CCDC138: variants seen among roughly 807,000 people sequenced by gnomAD.
CCDC138 encodes coiled-coil domain-containing protein 138.
CCDC138 carries 66 observed loss-of-function variants against 82.3 expected under a neutral mutation model. That is an observed-to-expected ratio of 0.80 (90% CI 0.66 to 0.98). The LOEUF (loss-of-function observed/expected upper bound fraction) is 0.98. Among genes scored for constraint, CCDC138 ranks in the 50% least tolerant of loss-of-function variants. The pLI, the probability that CCDC138 is intolerant of heterozygous loss-of-function variation, is 0.00. For missense variants in CCDC138, 816 were observed against 758.9 expected, an observed-to-expected ratio of 1.08 and a Z score of -0.88; for synonymous variants, 297 against 265.4, an observed-to-expected ratio of 1.12 and a Z score of -1.16.
intron 11 of CCDC138, among the ~76,000 whole-genome samples, chr2:108,842,204 T>G (rs1175919504): frequency 2.0e-4 from 2 of 9,874 alleles, no homozygotes; most frequent in Admixed American, 2.3e-3. Context: ...ATTAAAAAGT[T>G]TTTTTTTTTT....
intron 12 of CCDC138, among the ~76,000 whole-genome samples, chr2:108,848,852 T>G (rs560318742): frequency 6.6e-6 from 1 of 152,322 alleles, no homozygotes; most frequent in South Asian, 2.1e-4. Flanking sequence ...TATTATGTAT[T>G]GAATTAATGA....
chr2:108,873,592 A>T lies in CCDC138; in HGVS notation c.1832+3A>T, dbSNP rs1290631294. ...TTACAGAAACTTTCCAAAATCAAGTAAGAATTTCTTATTTCTAACATTTTT... is the reference window on the plus strand; with the variant it reads ...TTACAGAAACTTTCCAAAATCAAGTTAGAATTTCTTATTTCTAACATTTTT... On this transcript the variant is annotated splice_donor_region_variant and intron_variant, in intron 14 of 14. Coordinates refer to ENST00000295124, the MANE Select transcript of CCDC138 (RefSeq NM_144978.3). 1 of 1,560,420 alleles carries T rather than the reference A, an allele frequency of 6.4e-7. No homozygotes were observed. The highest frequency in any genetic ancestry group is 1.4e-5 in the African/African-American group (1 of 73,030).
intron 10 of CCDC138, among the ~76,000 whole-genome samples, chr2:108,820,047 C>A (rs1201084257): frequency 6.6e-6 from 1 of 152,100 alleles, no homozygotes; most frequent in Non-Finnish European, 1.5e-5. Context: ...AATATCTGAA[C>A]TATAAAAGTC....
intron 10 of CCDC138, among the ~76,000 whole-genome samples, chr2:108,823,079 CT>C (rs1320398965): frequency 1.3e-5 from 2 of 152,130 alleles, no homozygotes; most frequent in Non-Finnish European, 2.9e-5. Flanking sequence ...AAAAACACAG[CT>C]TTCCAAGACT....
Position 108,866,840 on chromosome 2 carries a change from G to A in CCDC138, c.1694-6611G>A, listed in dbSNP as rs71421351. 9.7e-3 allele frequency among the ~76,000 whole-genome samples: 1,469 copies of A among 151,404 alleles called. 13 individuals are homozygous for A. Among genetic ancestry groups the A allele is most frequent in the Non-Finnish European group, 0.015 (1,011 of 67,874 alleles). On this transcript the variant is annotated intron_variant, in intron 13 of 14. Coordinates refer to ENST00000295124, the MANE Select transcript of CCDC138 (RefSeq NM_144978.3). ...GGAGTTTGCAGTGAGCCGAGATCAC[G>A]CCACGGCACTCCAGCCTGGGCGACA... is the stretch of plus-strand genomic sequence containing the variant.
intron 7 of CCDC138, among the ~76,000 whole-genome samples, chr2:108,806,575 C>A (rs1218635104): frequency 6.6e-6 from 1 of 152,110 alleles, no homozygotes; most frequent in Admixed American, 6.5e-5. Flanking sequence ...TGTGGTCTCT[C>A]TTTCAGTGAC....
At chr2:108,797,774 A>T (rs1405038013) in intron 5 of CCDC138, among the ~76,000 whole-genome samples, 1 of 152,186 alleles carries the variant, frequency 6.6e-6, no homozygotes, top group East Asian at 1.9e-4. Flanking sequence ...GGCTATTCAC[A>T]AAGAGTGGAA....
intron 10 of CCDC138, among the ~76,000 whole-genome samples, chr2:108,834,798 T>C (rs1292757255): frequency 6.6e-6 from 1 of 152,230 alleles, no homozygotes; most frequent in East Asian, 1.9e-4. Flanking sequence ...TCGTCTACTT[T>C]CTATCTCTAT....
In CCDC138 at chr2:108,791,663, A is replaced by AT. The variant is rs1174131314; in HGVS notation, c.267-5dup. 12 of 1,601,238 alleles carry AT rather than the reference A, an allele frequency of 7.5e-6. No individual in the cohort carries two copies. Among genetic ancestry groups the AT allele is most frequent in the Non-Finnish European group, 1.0e-5 (12 of 1,172,634 alleles). Reference sequence around the variant, plus strand: ...ACTTCTAGATTGCTGTGATACAATTATTTTTTTAAAGCCTAGATGATGAAC... The same window carrying AT: ...ACTTCTAGATTGCTGTGATACAATTATTTTTTTTAAAGCCTAGATGATGAAC... On this transcript the variant is annotated splice_polypyrimidine_tract_variant and intron_variant, in intron 3 of 14. Transcript: ENST00000295124.
At chr2:108,866,774 T>TC (rs112785058) in intron 13 of CCDC138, among the ~76,000 whole-genome samples, 3 of 151,712 alleles carry the variant, frequency 2.0e-5, no homozygotes, top group African/African-American at 7.3e-5. Flanking sequence ...TCCCAGTTAC[T>TC]CGGGAGACTG....
intron 4 of CCDC138, 134 bp downstream of exon 4, chr2:108,791,936 G>A (rs931685386): frequency 5.6e-6 from 5 of 896,510 alleles, no homozygotes; most frequent in Non-Finnish European, 7.9e-6. Context: ...TGTAAGCTAG[G>A]AGATAGTTAC....
chr2:108,848,977 T>A (rs111269162), intron 12 of CCDC138, among the ~76,000 whole-genome samples: 3 of 152,152 alleles, frequency 2.0e-5, no homozygotes, highest in African/African-American at 7.2e-5. Flanking sequence ...TATATCCCTG[T>A]GTTCAAGAAG....
At chr2:108,831,373 A>G (rs893419804) in intron 10 of CCDC138, among the ~76,000 whole-genome samples, 1 of 152,172 alleles carries the variant, frequency 6.6e-6, no homozygotes, top group African/African-American at 2.4e-5. Flanking sequence ...TTTTAGTAGG[A>G]CAAAATATGC....
chr2:108,853,807 C>G (rs550353918), intron 12 of CCDC138, among the ~76,000 whole-genome samples: 1 of 139,598 alleles, frequency 7.2e-6, no homozygotes, highest in South Asian at 2.2e-4. Context: ...GTTACAGGCA[C>G]CAGCCATCCC....
At chr2:108,788,447 G>A (rs531111177) in intron 2 of CCDC138, among the ~76,000 whole-genome samples, 1 of 151,436 alleles carries the variant, frequency 6.6e-6, no homozygotes, top group East Asian at 2.0e-4. Flanking sequence ...GGCTGCGCGC[G>A]GTGGCTCACG....
intron 10 of CCDC138, among the ~76,000 whole-genome samples, chr2:108,836,080 C>G (rs974474705): frequency 2.0e-5 from 3 of 152,184 alleles, no homozygotes; most frequent in African/African-American, 7.2e-5. Flanking sequence ...CCTCTCAACA[C>G]TGATGTTTTG....
intron 10 of CCDC138, among the ~76,000 whole-genome samples, chr2:108,826,148 T>C (rs1281498975): frequency 1.3e-5 from 2 of 152,230 alleles, no homozygotes; most frequent in Non-Finnish European, 2.9e-5. Flanking sequence ...TTTTTAAATA[T>C]TCAAGATGGA....
In CCDC138 at chr2:108,786,835, G is replaced by A. The variant is rs145903783; in HGVS notation, c.13G>A (p.Val5Ile). Residue 5 changes from valine to isoleucine, a missense_variant, in exon 1 of 15, where the codon GTC becomes ATC. Physicochemically the swap from Val to Ile is conservative, Grantham distance 29. Coordinates refer to ENST00000295124, the MANE Select transcript of CCDC138 (RefSeq NM_144978.3). MEPR[V>I]VKPPGQDLVV... ...GTTGCTGTGTGCTATGGAGCCGAGG[G>A]TCGTCAAGCCACCGGGGCAGGATTT... 1.3e-6 allele frequency: 2 copies of A among 1,592,234 alleles called. No homozygotes were observed. The highest frequency in any genetic ancestry group is 2.3e-5 in the South Asian group (2 of 87,400).
At chr2:108,821,445 T>C (rs553361520) in intron 10 of CCDC138, among the ~76,000 whole-genome samples, 1 of 152,178 alleles carries the variant, frequency 6.6e-6, no homozygotes, top group Non-Finnish European at 1.5e-5. Context: ...GTTGGCATTA[T>C]TGATGTAAAA....
Sources: gnomAD v4.1 joint callset for allele counts (sites outside exome capture counted in the v4.1 genomes callset) on GRCh38, gnomAD v4.1.1 for gene constraint, MANE v1.5 for transcripts, NCBI Gene and HGNC (gene_info 2026-07-23, HGNC 2026-07-21) for gene names.